MCPH1: variants seen among roughly 807,000 people sequenced by gnomAD.
MCPH1 encodes microcephalin 1.
In MCPH1, 104 loss-of-function variants were observed where a neutral mutation model predicts 84.5. That is an observed-to-expected ratio of 1.23 (90% confidence interval 1.05 to 1.45). The LOEUF (loss-of-function observed/expected upper bound fraction) is 1.45, where lower values mean the gene tolerates loss of function less well. MCPH1 is among the 40% of genes most tolerant of loss of function. The pLI is 0.00. For synonymous variants in MCPH1, 514 were observed against 366.8 expected (o/e 1.40, Z -4.58); for missense variants, 1,498 against 1,005.7 (o/e 1.49, Z -6.62).
intron 8 of MCPH1, chr8:6,445,987 T>A (rs946521711): frequency 1.0e-6 from 1 of 980,694 alleles, no homozygotes; most frequent in Non-Finnish European, 1.2e-6. Context: ...ATCGATTGTA[T>A]CATAGAGAAA....
chr8:6,550,199 A>G (rs925963704), intron 12 of MCPH1, among the ~76,000 whole-genome samples: 1 of 152,166 alleles, frequency 6.6e-6, no homozygotes, highest in Non-Finnish European at 1.5e-5. Context: ...CCATCTCCAG[A>G]TGTTACTCAC....
intron 3 of MCPH1, among the ~76,000 whole-genome samples, chr8:6,419,749 C>G (rs1394480942): frequency 6.6e-6 from 1 of 151,970 alleles, no homozygotes; most frequent in Non-Finnish European, 1.5e-5. Flanking sequence ...TCCACTCACT[C>G]CAGCCTCTCA....
chr8:6,595,953 G>A (rs1325199384), intron 12 of MCPH1, among the ~76,000 whole-genome samples: 1 of 152,226 alleles, frequency 6.6e-6, no homozygotes, highest in African/African-American at 2.4e-5. Context: ...GAGCCTGTGA[G>A]CGTCAGATGA....
intron 13 of MCPH1, chr8:6,626,225 G>A (rs1293275245): frequency 4.1e-6 from 4 of 985,400 alleles, no homozygotes; most frequent in Non-Finnish European, 3.6e-6. Flanking sequence ...AACAGGGAGT[G>A]GAGGTGTGAA....
intron 9 of MCPH1, among the ~76,000 whole-genome samples, chr8:6,456,148 G>T (rs80026063): frequency 1.3e-5 from 2 of 152,092 alleles, no homozygotes; most frequent in African/African-American, 4.8e-5. Context: ...ATGCTTTCTG[G>T]TTTGTCTCGG....
intron 9 of MCPH1, among the ~76,000 whole-genome samples, chr8:6,457,085 A>C (rs1432310551): frequency 6.6e-6 from 1 of 152,218 alleles, no homozygotes; most frequent in African/African-American, 2.4e-5. Context: ...CACAATTACA[A>C]ATACACACCT....
At chr8:6,600,184 A>G (rs1181889329) in intron 12 of MCPH1, among the ~76,000 whole-genome samples, 1 of 152,256 alleles carries the variant, frequency 6.6e-6, no homozygotes, top group Non-Finnish European at 1.5e-5. Flanking sequence ...CATTGCTGTC[A>G]AATCTGCAAA....
chr8:6,485,546 A>T (rs1247183847), intron 11 of MCPH1, among the ~76,000 whole-genome samples: 1 of 151,998 alleles, frequency 6.6e-6, no homozygotes, highest in East Asian at 1.9e-4. Flanking sequence ...AAATGAAAAG[A>T]ATTTAAAAAC....
chr8:6,583,077 G>A (rs1169558776), intron 12 of MCPH1, among the ~76,000 whole-genome samples: 1 of 151,994 alleles, frequency 6.6e-6, no homozygotes, highest in Non-Finnish European at 1.5e-5. Flanking sequence ...AAACTCCTGG[G>A]GTAAAAATGC....
intron 9 of MCPH1, among the ~76,000 whole-genome samples, chr8:6,466,104 G>T (rs1173241070): frequency 2.0e-5 from 3 of 148,176 alleles, no homozygotes; most frequent in African/African-American, 7.5e-5. Context: ...ACAGGCCCGT[G>T]CCACTACACC....
Position 6,480,754 on chromosome 8 carries a change from G to A in MCPH1, c.2014G>A (p.Gly672Ser), listed in dbSNP as rs768925059. 5 of 1,614,156 alleles carry A rather than the reference G, an allele frequency of 3.1e-6. No individual in the cohort carries two copies. Among genetic ancestry groups the A allele is most frequent in the Non-Finnish European group, 4.2e-6 (5 of 1,179,990 alleles). Residue 672 changes from glycine (G) to serine (S), a missense_variant, in exon 11 of 14, where the codon GGC (glycine) becomes AGC (serine). By Grantham distance (56) the Gly-to-Ser change is moderately conservative. Coordinates refer to ENST00000344683, the MANE Select transcript of MCPH1 (RefSeq NM_024596.5). ...CATCCAGGTTGTGGATAAATTGAAAGGCTTTTCAATTGCACCAGACGTCTG... is the reference window on the plus strand; with the variant it reads ...CATCCAGGTTGTGGATAAATTGAAAAGCTTTTCAATTGCACCAGACGTCTG... ...VVIQVVDKLK[G>S]FSIAPDVCET...
At chr8:6,514,910 T>A (rs1414704653) in intron 12 of MCPH1, 1 of 674,320 alleles carries the variant, frequency 1.5e-6, no homozygotes, top group Non-Finnish European at 2.6e-6. Flanking sequence ...AGGCACGGAG[T>A]AGACCATCGG....
chr8:6,421,094 G>A (rs1800128942), intron 3 of MCPH1, among the ~76,000 whole-genome samples: 1 of 152,202 alleles, frequency 6.6e-6, no homozygotes, highest in South Asian at 2.1e-4. Context: ...CGGGAATTGA[G>A]CACAGGCAGC....
At chr8:6,623,489 A>G (rs751635) in intron 13 of MCPH1, among the ~76,000 whole-genome samples, 1 of 151,054 alleles carries the variant, frequency 6.6e-6, no homozygotes, top group African/African-American at 2.4e-5. Context: ...TTTTCTCATC[A>G]TCTGCTCAAC....
At chr8:6,476,087 G>T (rs1808411716) in intron 9 of MCPH1, among the ~76,000 whole-genome samples, 1 of 152,132 alleles carries the variant, frequency 6.6e-6, no homozygotes, top group Admixed American at 6.5e-5. Context: ...CATTTCCACA[G>T]TACAATACAG....
intron 12 of MCPH1, chr8:6,527,422 C>G: frequency 9.3e-7 from 1 of 1,077,344 alleles, no homozygotes; most frequent in Non-Finnish European, 1.3e-6. Flanking sequence ...CCCTTCTCCT[C>G]CCTCATGAGG....
chr8:6,453,140 G>A (rs1279653107), intron 8 of MCPH1, among the ~76,000 whole-genome samples: 1 of 152,144 alleles, frequency 6.6e-6, no homozygotes, highest in Non-Finnish European at 1.5e-5. Context: ...CCAAGAAGTG[G>A]GAGAGTCAGG....
At position 6,641,726 on chromosome 8, in the gene MCPH1, T is replaced by G. The variant is rs1029285056; in HGVS notation, c.2453-1268T>G. Reference sequence around the variant, plus strand: ...ACCAATGCAGTCTAACCTGCGTGACTGAGCAAGACCCTATCTCAAAAAAAG... The same window carrying G: ...ACCAATGCAGTCTAACCTGCGTGACGGAGCAAGACCCTATCTCAAAAAAAG... On this transcript the variant is annotated intron_variant, in intron 13 of 13. Coordinates refer to ENST00000344683, the MANE Select transcript of MCPH1 (RefSeq NM_024596.5). Among the ~76,000 whole-genome samples, 4 of 152,218 alleles carry G rather than the reference T, an allele frequency of 2.6e-5. No homozygotes were observed. In the South Asian group the frequency reaches 8.3e-4, roughly 32 times the overall value.
chr8:6,419,020 C>T (rs932169361), intron 3 of MCPH1, among the ~76,000 whole-genome samples: 2 of 152,022 alleles, frequency 1.3e-5, no homozygotes, highest in Non-Finnish European at 2.9e-5. Flanking sequence ...TATTCTGCTT[C>T]GTTGTTTTGC....
Sources: allele counts gnomAD v4.1 joint callset (sites outside exome capture counted in the v4.1 genomes callset), GRCh38; gene constraint gnomAD v4.1.1; transcripts MANE v1.5; gene names NCBI Gene and HGNC (gene_info 2026-07-23, HGNC 2026-07-21).